The following BEAN1 variants were observed in gnomAD, a reference collection of about 807,000 sequenced individuals.
The protein encoded by BEAN1 is brain expressed associated with NEDD4 1.
In BEAN1, 17 loss-of-function variants were observed where a neutral mutation model predicts 17.7. That is an observed-to-expected ratio of 0.96 (90% confidence interval 0.66 to 1.44). The LOEUF (loss-of-function observed/expected upper bound fraction) is 1.44, where lower values mean the gene tolerates loss of function less well. BEAN1 is among the 40% of genes most tolerant of loss of function. The probability of loss-of-function intolerance (pLI) is 0.00; values close to 1 mark genes in which losing one functional copy is unlikely to be tolerated. For synonymous variants in BEAN1, 142 were observed against 151.8 expected, an observed-to-expected ratio of 0.94 and a Z score of 0.47; for missense variants, 359 against 374.1, an observed-to-expected ratio of 0.96 and a Z score of 0.33.
At chr16:66,472,962 T>A (rs780256804) in intron 3 of BEAN1, among the ~76,000 whole-genome samples, 1 of 152,046 alleles carries the variant, frequency 6.6e-6, no homozygotes, top group Non-Finnish European at 1.5e-5. Flanking sequence ...AAGGCTTCAG[T>A]GAGCTATGAT....
intron 2 of BEAN1, among the ~76,000 whole-genome samples, chr16:66,454,022 A>T (rs1040829164): frequency 3.3e-5 from 5 of 152,186 alleles, no homozygotes; most frequent in African/African-American, 1.2e-4. Context: ...GCGTGAGCCC[A>T]CCACGCCCGG....
At chr16:66,451,554 CTT>C (rs1264370287) in intron 2 of BEAN1, among the ~76,000 whole-genome samples, 1 of 152,208 alleles carries the variant, frequency 6.6e-6, no homozygotes, top group Non-Finnish European at 1.5e-5. Context: ...AAGCTTTACT[CTT>C]TTGTCTTTCA....
chr16:66,474,569 AGAGGGAGGGAGAGAGGGAGGGAGG>A (rs1567504962), intron 3 of BEAN1, among the ~76,000 whole-genome samples: 8 of 38,798 alleles, frequency 2.1e-4, no homozygotes, highest in Non-Finnish European at 3.2e-4. Context: ...AGGGAGGGAG[AGAGGGAGGGAGAGAGGGAGGGAGG>A]GAGGGAGGGA....
intron 2 of BEAN1, among the ~76,000 whole-genome samples, chr16:66,441,675 A>G (rs1177346119): frequency 6.6e-6 from 1 of 152,190 alleles, no homozygotes; most frequent in Admixed American, 6.5e-5. Flanking sequence ...GAGTCAGTGC[A>G]CGTGAGGTCT....
Position 66,453,033 on chromosome 16 carries a change from T to A in BEAN1, c.25+15332T>A, listed in dbSNP as rs567579561. On this transcript the variant is annotated intron_variant, in intron 2 of 4. Transcript: ENST00000536005. ...CACCTACCTCATAAAGCTGCTAAGATTTGTAAATTTTATCTTTTCAAAAAA... is the reference window on the plus strand; with the variant it reads ...CACCTACCTCATAAAGCTGCTAAGAATTGTAAATTTTATCTTTTCAAAAAA... Among the ~76,000 whole-genome samples, 7 of 152,308 alleles carry A rather than the reference T, an allele frequency of 4.6e-5. No individual in the cohort carries two copies. The South Asian group carries it at 1.5e-3, about 32-fold the overall frequency.
At chr16:66,428,579 A>C (rs935715648) in intron 1 of BEAN1, 1 of 152,258 alleles carries the variant, frequency 6.6e-6, no homozygotes, top group Non-Finnish European at 1.5e-5. Flanking sequence ...CTGGCTGTAC[A>C]ACCTTAAGCA....
Position 66,431,126 on chromosome 16 carries a change from A to G in BEAN1, c.-83+3695A>G, listed in dbSNP as rs1046046943. 4.6e-5 allele frequency among the ~76,000 whole-genome samples: 7 copies of G among 152,318 alleles called. No individual in the cohort carries two copies. The East Asian group carries it at 1.2e-3, about 25-fold the overall frequency. On this transcript the variant is annotated intron_variant, in intron 1 of 4. Coordinates refer to ENST00000536005, the MANE Select transcript of BEAN1 (RefSeq NM_001178020.3). Reference sequence around the variant, plus strand: ...AAGTAAATTAAAAAAATTTTTTTCAATAACAAATGACATGTTCAAAGGCAA... The same window carrying G: ...AAGTAAATTAAAAAAATTTTTTTCAGTAACAAATGACATGTTCAAAGGCAA...
At chr16:66,462,597 T>G (rs1963125914) in intron 2 of BEAN1, among the ~76,000 whole-genome samples, 1 of 150,954 alleles carries the variant, frequency 6.6e-6, no homozygotes, top group South Asian at 2.1e-4. Flanking sequence ...AGGTCAGGAG[T>G]TCGAGACCAG....
intron 2 of BEAN1, among the ~76,000 whole-genome samples, chr16:66,452,304 T>A (rs1962700851): frequency 1.3e-5 from 2 of 152,244 alleles, no homozygotes; most frequent in Non-Finnish European, 2.9e-5. Flanking sequence ...ATACTAATTT[T>A]AATACACTGC....
At chr16:66,484,623 G>T (rs1176609090), downstream of BEAN1, 2 of 454,046 alleles carry the variant, frequency 4.4e-6, no homozygotes, top group Non-Finnish European at 8.8e-6. This position sits in a 1 kb window ranked among gnomAD's most constrained non-coding sequence, Gnocchi z 4.2. Context: ...ACCCTGGGAT[G>T]AGGATGTGGG....
At chr16:66,438,751 C>T (rs1962132402) in intron 2 of BEAN1, among the ~76,000 whole-genome samples, 1 of 152,164 alleles carries the variant, frequency 6.6e-6, no homozygotes, top group Non-Finnish European at 1.5e-5. Context: ...GCCCCAGGGC[C>T]CCTTTCACTT....
Position 66,468,138 on chromosome 16 carries a change from G to A in BEAN1, c.26-1464G>A, listed in dbSNP as rs1567500650. ...TCCTTGATTACCACCCAAGACAGAG[G>A]CCTCACTCTCCTGAGGCATCGCAAG... On this transcript the variant is annotated intron_variant, in intron 2 of 4. Transcript: ENST00000536005. Among the ~76,000 whole-genome samples the A allele has an allele frequency of 2.6e-5, 4 of 152,174 alleles. No individual in the cohort carries two copies. The South Asian group carries it at 8.3e-4, about 32-fold the overall frequency.
At chr16:66,475,286 G>A (rs1963691958) in intron 3 of BEAN1, among the ~76,000 whole-genome samples, 1 of 152,090 alleles carries the variant, frequency 6.6e-6, no homozygotes, top group African/African-American at 2.4e-5. Context: ...TGGGGTCTGA[G>A]CACCTTAGGG....
At chr16:66,436,266 CTTTTTTTTTTT>C (rs560577711) in intron 1 of BEAN1, among the ~76,000 whole-genome samples, 1 of 120,642 alleles carries the variant, frequency 8.3e-6, no homozygotes, top group Non-Finnish European at 1.7e-5. Context: ...TTTTTCTTTT[CTTTTTTTTTTT>C]TTTTTTTTGA....
intron 2 of BEAN1, 177 bp downstream of exon 2, chr16:66,437,878 A>G (rs1388106884): frequency 1.2e-6 from 1 of 803,554 alleles, no homozygotes; most frequent in African/African-American, 1.7e-5. Flanking sequence ...GACGTCTGCA[A>G]GATGCTCCCT....
chr16:66,478,801 G>A (rs57842924), intron 4 of BEAN1, among the ~76,000 whole-genome samples: 18,154 of 152,062 alleles, frequency 0.12, 1,305 homozygotes, highest in African/African-American at 0.19. Flanking sequence ...GGCTGACACA[G>A]GAAATCGGCC....
chr16:66,490,195 AC>A (rs1357808573), intron 4 of BEAN1, among the ~76,000 whole-genome samples: 4 of 143,604 alleles, frequency 2.8e-5, no homozygotes, highest in Non-Finnish European at 6.0e-5. Context: ...AGCCTGGCCA[AC>A]ATGGTGAAAT....
chr16:66,433,908 C>T (rs567724353), intron 1 of BEAN1, among the ~76,000 whole-genome samples: 2 of 152,346 alleles, frequency 1.3e-5, no homozygotes, highest in Non-Finnish European at 2.9e-5. Flanking sequence ...TCAGCAGACC[C>T]AGGCTCTCTC....
At chr16:66,484,601 C>A, downstream of BEAN1, 1 of 454,038 alleles carries the variant, frequency 2.2e-6, no homozygotes, top group Non-Finnish European at 4.4e-6. The surrounding 1 kb of genome is among the most constrained non-coding windows in gnomAD (Gnocchi z 4.2). Flanking sequence ...GAGACAGGGG[C>A]CCCAGGGCCA....
Sources: allele counts gnomAD v4.1 joint callset (sites outside exome capture counted in the v4.1 genomes callset), GRCh38; gene constraint gnomAD v4.1.1; non-coding constraint Gnocchi (gnomAD v3.1); transcripts MANE v1.5; gene names NCBI Gene and HGNC (gene_info 2026-07-23, HGNC 2026-07-21).